CIB2: variants seen among roughly 807,000 people sequenced by gnomAD.
CIB2 encodes the protein calcium and integrin-binding family member 2.
A neutral mutation model predicts 23.1 loss-of-function variants in CIB2; 19 were observed. The observed-to-expected ratio is 0.82, with a 90% confidence interval of 0.57 to 1.21. The LOEUF is 1.21. CIB2 is among the 50% of genes most tolerant of loss of function. The pLI, the probability that CIB2 is intolerant of heterozygous loss-of-function variation, is 0.00. For synonymous variants in CIB2, 94 were observed against 91.7 expected, an observed-to-expected ratio of 1.03 and a Z score of -0.14; for missense variants, 220 against 241.5, an observed-to-expected ratio of 0.91 and a Z score of 0.59.
rs77865048 is a variant in CIB2 at position 78,123,413 on chromosome 15, C to T, written c.86+292G>A. Among the ~76,000 whole-genome samples the T allele has an allele frequency of 2.2e-3, 328 of 152,270 alleles. 1 individual carries two copies. Among genetic ancestry groups the T allele is most frequent in the Non-Finnish European group, 4.0e-3 (270 of 68,002 alleles). On this transcript the variant is annotated intron_variant, in intron 2 of 5. Coordinates refer to ENST00000258930, the MANE Select transcript of CIB2 (RefSeq NM_006383.4). The stretch of plus-strand genomic sequence containing the variant: ...TGTCAAATGGGGATAAATGGATTCT[C>T]TTGTTACAAGGTCACAATGAGGATT...
intron 2 of CIB2, among the ~76,000 whole-genome samples, chr15:78,112,734 C>G (rs924907263): frequency 3.3e-5 from 5 of 152,152 alleles, no homozygotes; most frequent in African/African-American, 1.2e-4. Context: ...CCTGCCACCC[C>G]CAAAGCCAGA....
At chr15:78,112,881 C>T (rs540201236) in intron 2 of CIB2, among the ~76,000 whole-genome samples, 1 of 152,298 alleles carries the variant, frequency 6.6e-6, no homozygotes, top group Admixed American at 6.5e-5. Flanking sequence ...CTGTCCTTAG[C>T]AAGGCACCTG....
intron 2 of CIB2, among the ~76,000 whole-genome samples, chr15:78,119,017 T>C (rs2074281276): frequency 6.6e-6 from 1 of 151,876 alleles, no homozygotes; most frequent in South Asian, 2.1e-4. Context: ...CCATCTCTAC[T>C]AAAAATACAA....
At chr15:78,128,833 C>T (rs2074415974) in intron 1 of CIB2, among the ~76,000 whole-genome samples, 1 of 152,144 alleles carries the variant, frequency 6.6e-6, no homozygotes, top group Non-Finnish European at 1.5e-5. Flanking sequence ...ACTGAGCAGG[C>T]CTAGCCCAGG....
At position 78,109,388 on chromosome 15, in the gene CIB2, G is replaced by A; in HGVS notation, c.199-6C>T. ...CTTTCTTTGAAGGGATTCTCCTGAA[G>A]AAAACACACACAGCAATCACTGTGG... On this transcript the variant is annotated splice_region_variant and splice_polypyrimidine_tract_variant and intron_variant, in intron 3 of 5. Transcript: ENST00000258930. 1 of 1,614,014 alleles carries A rather than the reference G, an allele frequency of 6.2e-7. No homozygotes were observed. Among genetic ancestry groups the A allele is most frequent in the South Asian group, 1.1e-5 (1 of 91,080 alleles).
At position 78,126,146 on chromosome 15, in the gene CIB2, C is replaced by T. The variant is rs558024989; in HGVS notation, c.52-2407G>A. The stretch of plus-strand genomic sequence containing the variant: ...CTGTGCTTCCCTTTCCCCTGCCCCC[C>T]CCCCTTTTTTTTTTGAGACGGAGTC... On this transcript the variant is annotated intron_variant, in intron 1 of 5. Transcript: ENST00000258930. Among the ~76,000 whole-genome samples the T allele has an allele frequency of 4.1e-5, 6 of 144,922 alleles. No homozygotes were observed. The South Asian group carries it at 8.7e-4, about 21-fold the overall frequency.
intron 2 of CIB2, among the ~76,000 whole-genome samples, chr15:78,122,611 G>A (rs146777937): frequency 6.6e-5 from 10 of 152,318 alleles, no homozygotes; most frequent in Admixed American, 1.3e-4. Flanking sequence ...GCTGCCTCTC[G>A]GCAATGCTAT....
intron 1 of CIB2, among the ~76,000 whole-genome samples, chr15:78,125,411 C>A (rs935245957): frequency 3.3e-5 from 5 of 152,144 alleles, no homozygotes; most frequent in Non-Finnish European, 7.3e-5. Flanking sequence ...TCTCTTCCCC[C>A]CGATCTGTCC....
At chr15:78,112,433 G>A (rs374637187) in intron 2 of CIB2, among the ~76,000 whole-genome samples, 3 of 152,194 alleles carry the variant, frequency 2.0e-5, no homozygotes, top group African/African-American at 4.8e-5. Context: ...GCTGGATATC[G>A]TGGCTCAGTC....
At chr15:78,123,806 C>G in intron 1 of CIB2, 67 bp from the exon 2 acceptor site, 4 of 1,569,588 alleles carry the variant, frequency 2.5e-6, no homozygotes, top group Non-Finnish European at 3.5e-6. Flanking sequence ...TCAGAGGCCT[C>G]GATGCCACAG....
chr15:78,121,473 C>T (rs758207478), intron 2 of CIB2, among the ~76,000 whole-genome samples: 1 of 152,170 alleles, frequency 6.6e-6, no homozygotes, highest in Non-Finnish European at 1.5e-5. Flanking sequence ...GGCTGTGTCC[C>T]TACCCAAATC....
In CIB2 at chr15:78,105,234, G is replaced by C; in HGVS notation, c.*77C>G. 6.3e-7 allele frequency: 1 copy of C among 1,596,322 alleles called. No homozygotes were observed. The highest frequency in any genetic ancestry group is 8.6e-7 in the Non-Finnish European group (1 of 1,166,584). On this transcript the variant is annotated 3_prime_UTR_variant, in exon 6 of 6. Transcript: ENST00000258930. ...CCAGAGGCTGCCACTGCTTTCCTGGGGAGCTTGGAGGCCACACCCATGTGA... is the reference window on the plus strand; with the variant it reads ...CCAGAGGCTGCCACTGCTTTCCTGGCGAGCTTGGAGGCCACACCCATGTGA...
intron 1 of CIB2, among the ~76,000 whole-genome samples, chr15:78,127,827 C>T (rs1460999955): frequency 6.6e-6 from 1 of 152,200 alleles, no homozygotes; most frequent in Non-Finnish European, 1.5e-5. Flanking sequence ...TTGATCCCCA[C>T]AAGAACCCTG....
Position 78,105,180 on chromosome 15 carries a change from G to T in CIB2, c.*131C>A, listed in dbSNP as rs1054830825. The T allele has an allele frequency of 1.6e-6, 2 of 1,267,092 alleles. No individual in the cohort carries two copies. Among genetic ancestry groups the T allele is most frequent in the Non-Finnish European group, 2.2e-6 (2 of 899,402 alleles). The allele number at this position is 1,267,092 out of a possible 1,614,324, so 78.5% of individuals were successfully genotyped here. A position where few individuals can be genotyped will look rare whatever the true frequency, so the allele number is the denominator to read the frequency against. The stretch of plus-strand genomic sequence containing the variant: ...GTTAAGGTTTTTTTTTTGCTGAAAG[G>T]GCCACAGGATATATTTGTGGTGTAA... On this transcript the variant is annotated 3_prime_UTR_variant, in exon 6 of 6. Transcript: ENST00000258930.
chr15:78,118,584 G>A (rs1246389785), intron 2 of CIB2, among the ~76,000 whole-genome samples: 1 of 114,082 alleles, frequency 8.8e-6, no homozygotes, highest in African/African-American at 3.3e-5. Flanking sequence ...GCCAGACTCC[G>A]TCTCAAAAAA....
intron 1 of CIB2, among the ~76,000 whole-genome samples, chr15:78,124,087 G>A (rs2074352695): frequency 6.6e-6 from 1 of 152,046 alleles, no homozygotes; most frequent in Non-Finnish European, 1.5e-5. Context: ...TGACAGGGAG[G>A]TGGCTGGGAG....
In CIB2 at chr15:78,131,131, G is replaced by A. The variant is rs747689693; in HGVS notation, c.51+34C>T. The stretch of plus-strand genomic sequence containing the variant: ...AAAGGGAGGGGCGGCGGGGCGGCGG[G>A]GCCTGTGTTGGGGGCCGGGCGCGCC... On this transcript the variant is annotated intron_variant, in intron 1 of 5. Transcript: ENST00000258930. The surrounding 1 kb of genome is among the most constrained non-coding windows in gnomAD (Gnocchi z 5.8). 50 of 1,551,944 alleles carry A rather than the reference G, an allele frequency of 3.2e-5. No individual in the cohort carries two copies. Among genetic ancestry groups the A allele is most frequent in the Non-Finnish European group, 4.1e-5 (47 of 1,147,650 alleles).
At chr15:78,125,801 C>G (rs889890123) in intron 1 of CIB2, among the ~76,000 whole-genome samples, 1 of 152,110 alleles carries the variant, frequency 6.6e-6, no homozygotes, top group Non-Finnish European at 1.5e-5. Flanking sequence ...ACCTGTGTCC[C>G]CCATCCCTCA....
intron 1 of CIB2, among the ~76,000 whole-genome samples, chr15:78,126,015 T>A (rs910353926): frequency 1.3e-5 from 2 of 152,074 alleles, no homozygotes; most frequent in Admixed American, 6.5e-5. Context: ...GGGGTGGGCA[T>A]TATCTCTCTA....
Sources: gnomAD v4.1 joint callset for allele counts (sites outside exome capture counted in the v4.1 genomes callset) on GRCh38, gnomAD v4.1.1 for gene constraint, Gnocchi (gnomAD v3.1) non-coding constraint, MANE v1.5 for transcripts, NCBI Gene and HGNC (gene_info 2026-07-23, HGNC 2026-07-21) for gene names.